The following NID2 variants were observed in gnomAD, a reference collection of about 807,000 sequenced individuals.
NID2 encodes nidogen-2.
In NID2, 83 loss-of-function variants were observed where a neutral mutation model predicts 145.4. The ratio of observed to expected loss-of-function variants is 0.57; its 90% CI spans 0.48 to 0.69. The LOEUF (loss-of-function observed/expected upper bound fraction) is 0.69. Among genes scored for constraint, NID2 ranks in the 30% least tolerant of loss-of-function variants. The probability of loss-of-function intolerance (pLI) is 0.00; values close to 1 mark genes in which losing one functional copy is unlikely to be tolerated. For missense variants in NID2, 1,807 were observed against 1,765.7 expected (o/e 1.02, Z -0.42); for synonymous variants, 739 against 701.3 (o/e 1.05, Z -0.85).
chr14:52,014,839 A>G (rs1211546548), intron 15 of NID2, among the ~76,000 whole-genome samples: 1 of 152,144 alleles, frequency 6.6e-6, no homozygotes, highest in African/African-American at 2.4e-5. Flanking sequence ...CGAGTTGCAG[A>G]TGTTCCAATT....
intron 9 of NID2, among the ~76,000 whole-genome samples, chr14:52,031,550 A>G (rs1305823853): frequency 1.3e-5 from 2 of 152,232 alleles, no homozygotes; most frequent in Non-Finnish European, 2.9e-5. Flanking sequence ...GTAATAACTC[A>G]GGCTTCTGCC....
rs200268698 is a variant in NID2 at position 52,028,351 on chromosome 14, T to G, written c.2530+371A>C. Among the ~76,000 whole-genome samples, 188 of 152,058 alleles carry G rather than the reference T, an allele frequency of 1.2e-3. 1 individual carries two copies. The highest frequency in any genetic ancestry group is 2.5e-3 in the South Asian group (12 of 4,814). ...ATGCACTAGCATGCTGTCAGTTCAC[T>G]GCAACCTCTGCCTCCTGCGCTCAAG... is the stretch of plus-strand genomic sequence containing the variant. On this transcript the variant is annotated intron_variant, in intron 11 of 21. Coordinates refer to ENST00000216286, the MANE Select transcript of NID2 (RefSeq NM_007361.4).
At chr14:52,025,169 C>T (rs543277657) in intron 12 of NID2, among the ~76,000 whole-genome samples, 35 of 152,242 alleles carry the variant, frequency 2.3e-4, no homozygotes, top group South Asian at 4.1e-4. Flanking sequence ...GTGTTCCACA[C>T]GAAGGAAAAG....
At chr14:52,055,622 A>T (rs1254598317) in intron 3 of NID2, among the ~76,000 whole-genome samples, 1 of 152,196 alleles carries the variant, frequency 6.6e-6, no homozygotes, top group Non-Finnish European at 1.5e-5. Context: ...CCTAAAGAGA[A>T]CAACTACATA....
chr14:52,042,608 G>T (rs1307154691), intron 6 of NID2, among the ~76,000 whole-genome samples, 174 bp downstream of exon 6: 2 of 152,280 alleles, frequency 1.3e-5, no homozygotes, highest in Non-Finnish European at 2.9e-5. Context: ...CTCAAATTGG[G>T]AATCAGCCCA....
At position 52,014,252 on chromosome 14, in the gene NID2, G is replaced by A. The variant is rs147559330; in HGVS notation, c.3420+35C>T. The A allele has an allele frequency of 4.9e-4, 798 of 1,613,822 alleles. 1 individual carries two copies. The African/African-American group carries it at 8.0e-3, about 16-fold the overall frequency. ...AGGTGGCTCCCACTGGGAAAGCCAC[G>A]CAGCCCTGCCCCCTACAGGAGAAAT... On this transcript the variant is annotated intron_variant, in intron 16 of 21. Coordinates refer to ENST00000216286, the MANE Select transcript of NID2 (RefSeq NM_007361.4).
chr14:52,053,082 T>C (rs1313822409), intron 5 of NID2, among the ~76,000 whole-genome samples: 1 of 152,140 alleles, frequency 6.6e-6, no homozygotes, highest in African/African-American at 2.4e-5. Context: ...CTGTGGGCTC[T>C]CCTCTCCCAC....
chr14:52,047,594 T>C (rs1279929078), intron 5 of NID2, among the ~76,000 whole-genome samples: 1 of 151,980 alleles, frequency 6.6e-6, no homozygotes, highest in Non-Finnish European at 1.5e-5. Context: ...TGGTAAGAAG[T>C]GCTGGTACAG....
intron 5 of NID2, among the ~76,000 whole-genome samples, chr14:52,051,197 A>T (rs936251481): frequency 6.7e-6 from 1 of 149,348 alleles, no homozygotes. Flanking sequence ...GGGGAAAAAA[A>T]TGTAAAAAGG....
At chr14:52,019,955 A>G in intron 13 of NID2, 104 bp downstream of exon 13, 1 of 1,468,498 alleles carries the variant, frequency 6.8e-7, no homozygotes, top group African/African-American at 1.4e-5. Context: ...TGGAAAATCC[A>G]CCAAGGCTCC....
At chr14:52,029,989 T>C (rs1188484113) in intron 9 of NID2, among the ~76,000 whole-genome samples, 1 of 152,218 alleles carries the variant, frequency 6.6e-6, no homozygotes, top group African/African-American at 2.4e-5. Context: ...TGCTCTATTA[T>C]TTCCTGTGAT....
At chr14:52,063,318 G>C (rs949215156) in intron 2 of NID2, among the ~76,000 whole-genome samples, 4 of 152,232 alleles carry the variant, frequency 2.6e-5, no homozygotes, top group African/African-American at 9.6e-5. Context: ...AGAGGAGAGA[G>C]GGGCCTCCAC....
At position 52,053,778 on chromosome 14, in the gene NID2, G is replaced by C; in HGVS notation, c.1230C>G (p.Thr410=). 6.2e-7 allele frequency: 1 copy of C among 1,614,178 alleles called. No homozygotes were observed. The highest frequency in any genetic ancestry group is 8.5e-7 in the Non-Finnish European group (1 of 1,180,014). Reference sequence around the variant, plus strand: ...TTCCGTTTTCGGGGTACGGTGGTGGGGTTTCCCAGGAAGGAGCCAGTGAAT... The same window carrying C: ...TTCCGTTTTCGGGGTACGGTGGTGGCGTTTCCCAGGAAGGAGCCAGTGAAT... ...DRDSLAPSWE[T]PPPYPENGSI... The change falls in exon 5 of 22, where the codon ACC becomes ACG. Residue 410 remains threonine, a synonymous_variant. Transcript: ENST00000216286.
chr14:52,006,375 A>AAAAC, intron 20 of NID2, 162 bp downstream of exon 20: 1 of 740,334 alleles, frequency 1.4e-6, no homozygotes, highest in East Asian at 2.6e-5. Context: ...GAAAGGATGA[A>AAAAC]AAACATCCTT....
chr14:52,015,548 G>A (rs1268995896), intron 14 of NID2, among the ~76,000 whole-genome samples: 1 of 152,212 alleles, frequency 6.6e-6, no homozygotes, highest in Non-Finnish European at 1.5e-5. Context: ...AACAAGAGGA[G>A]GTAAGATCAG....
intron 9 of NID2, among the ~76,000 whole-genome samples, chr14:52,035,856 G>GTGTATATATATATATATA (rs763855059): frequency 7.2e-4 from 47 of 65,286 alleles, no homozygotes; most frequent in African/African-American, 2.1e-3. Flanking sequence ...ATTTTTTTGT[G>GTGTATATATATATATATA]TATATATATA....
intron 5 of NID2, among the ~76,000 whole-genome samples, chr14:52,044,382 G>A (rs1892403400): frequency 7.2e-6 from 1 of 139,842 alleles, no homozygotes; most frequent in Non-Finnish European, 1.5e-5. Context: ...CCATTCTCTT[G>A]CCTCAGCCTC....
At chr14:52,048,562 G>C (rs1054394527) in intron 5 of NID2, among the ~76,000 whole-genome samples, 17 of 152,154 alleles carry the variant, frequency 1.1e-4, no homozygotes, top group Admixed American at 9.2e-4. Flanking sequence ...TCATGGCTTT[G>C]AGTGTATTTT....
rs1891028485 is a variant in NID2 at position 52,011,599 on chromosome 14, C to T, written c.3505G>A (p.Ala1169Thr). ...GGCTCTGCTCCCAGTTCCAGACCAG[C>T]ACGGCTGATTGTCCGTCCAGCAACA... The part of the protein sequence containing the change: ...TDVAGRTISR[A>T]GLELGAEPET... Residue 1169 changes from alanine (A) to threonine (T), a missense_variant, in exon 17 of 22, where the codon GCT (alanine) becomes ACT (threonine). Transcript: ENST00000216286. 1.2e-6 allele frequency: 2 copies of T among 1,614,102 alleles called. No individual in the cohort carries two copies. The highest frequency in any genetic ancestry group is 3.3e-5 in the Admixed American group (2 of 60,006).
Sources: gnomAD v4.1 joint callset for allele counts (sites outside exome capture counted in the v4.1 genomes callset) on GRCh38, gnomAD v4.1.1 for gene constraint, MANE v1.5 for transcripts, NCBI Gene and HGNC (gene_info 2026-07-23, HGNC 2026-07-21) for gene names.